The following DCDC1 variants were observed in gnomAD, a reference collection of about 807,000 sequenced individuals.
The protein encoded by DCDC1 is doublecortin domain containing 1.
In DCDC1, 200 loss-of-function variants were observed where a neutral mutation model predicts 178.3. The observed-to-expected ratio is 1.12, with a 90% CI of 1.00 to 1.26. The LOEUF (loss-of-function observed/expected upper bound fraction) is 1.26, where lower values mean the gene tolerates loss of function less well. Among genes scored for constraint, DCDC1 ranks in the 50% most tolerant of loss-of-function variants. The pLI is 0.00. For synonymous variants in DCDC1, 690 were observed against 604.8 expected (o/e 1.14, Z -2.07); for missense variants, 1,983 against 1,749.2 (o/e 1.13, Z -2.38).
intron 36 of DCDC1, chr11:30,882,533 A>T (rs1459390393): frequency 1.3e-5 from 2 of 152,016 alleles, no homozygotes; most frequent in African/African-American, 4.8e-5. Context: ...ATGTTGGTTA[A>T]ATGCAGCCCT....
At chr11:31,097,083 C>T (rs1301713745) in intron 15 of DCDC1, among the ~76,000 whole-genome samples, 1 of 152,224 alleles carries the variant, frequency 6.6e-6, no homozygotes, top group East Asian at 1.9e-4. Flanking sequence ...CTTTTAAACA[C>T]TTACACATAT....
intron 9 of DCDC1, among the ~76,000 whole-genome samples, chr11:31,165,356 G>A (rs1210935900): frequency 6.6e-6 from 1 of 151,930 alleles, no homozygotes; most frequent in African/African-American, 2.4e-5. Context: ...AAAGAGACAG[G>A]GTCTTGCTCT....
chr11:31,325,959 A>C (rs576279525), intron 3 of DCDC1, among the ~76,000 whole-genome samples: 175 of 152,272 alleles, frequency 1.1e-3, no homozygotes, highest in Non-Finnish European at 2.2e-3. Flanking sequence ...TAATCATATT[A>C]ATACCAATGG....
intron 9 of DCDC1, among the ~76,000 whole-genome samples, chr11:31,151,077 CTG>C (rs1965124149): frequency 6.6e-6 from 1 of 152,180 alleles, no homozygotes; most frequent in Non-Finnish European, 1.5e-5. Flanking sequence ...GGCAGATACA[CTG>C]TATCATTCAG....
intron 8 of DCDC1, among the ~76,000 whole-genome samples, chr11:31,263,606 C>A (rs1944943863): frequency 6.6e-6 from 1 of 152,140 alleles, no homozygotes. Context: ...TCTGAATACA[C>A]ACATATGTAA....
chr11:30,998,245 T>C lies in DCDC1; in HGVS notation c.2592-45677A>G, dbSNP rs149269148. Reference sequence around the variant, plus strand: ...AATTCAAAGCTGCAGTGAGCCATGATTGTGCCACTGCACTCCAGCCTGGGC... The same window carrying C: ...AATTCAAAGCTGCAGTGAGCCATGACTGTGCCACTGCACTCCAGCCTGGGC... On this transcript the variant is annotated intron_variant, in intron 20 of 38. Coordinates refer to ENST00000684477, the MANE Select transcript of DCDC1 (RefSeq NM_001387274.1). Among the ~76,000 whole-genome samples the C allele has an allele frequency of 8.7e-3, 1,317 of 152,226 alleles. 22 individuals carry two copies. Among genetic ancestry groups the C allele is most frequent in the African/African-American group, 0.03 (1,257 of 41,524 alleles).
chr11:31,301,261 T>C (rs1289374905), intron 6 of DCDC1, among the ~76,000 whole-genome samples: 1 of 152,090 alleles, frequency 6.6e-6, no homozygotes, highest in East Asian at 1.9e-4. Flanking sequence ...TCTAACCTAA[T>C]AAATACACTA....
intron 20 of DCDC1, among the ~76,000 whole-genome samples, chr11:31,020,227 A>G (rs1022515151): frequency 6.6e-6 from 1 of 152,242 alleles, no homozygotes; most frequent in Non-Finnish European, 1.5e-5. Context: ...CCATCAATAA[A>G]TAAAACAGCT....
chr11:31,213,124 T>TC (rs1565442233), intron 9 of DCDC1, among the ~76,000 whole-genome samples: 3 of 130,920 alleles, frequency 2.3e-5, no homozygotes, highest in Non-Finnish European at 4.9e-5. Context: ...TCTCTCTCTC[T>TC]CTCTCTCTCT....
intron 21 of DCDC1, among the ~76,000 whole-genome samples, chr11:30,941,927 T>A (rs1565103411): frequency 6.6e-6 from 1 of 152,216 alleles, no homozygotes; most frequent in African/African-American, 2.4e-5. Flanking sequence ...TTTTCCTTTA[T>A]ATTTTTACTA....
intron 9 of DCDC1, among the ~76,000 whole-genome samples, chr11:31,228,646 A>G (rs1033471694): frequency 2.0e-5 from 3 of 152,078 alleles, no homozygotes; most frequent in Non-Finnish European, 4.4e-5. Flanking sequence ...AATAAAATTA[A>G]TCAACTCAGC....
At chr11:30,993,877 A>G (rs1289929706) in intron 20 of DCDC1, among the ~76,000 whole-genome samples, 1 of 152,154 alleles carries the variant, frequency 6.6e-6, no homozygotes, top group Non-Finnish European at 1.5e-5. Context: ...AACAGTTAAT[A>G]AAGAATAATA....
intron 8 of DCDC1, chr11:31,262,805 G>C (rs1251208406): frequency 2.7e-6 from 1 of 366,972 alleles, no homozygotes. Flanking sequence ...CTAATGTTAA[G>C]TGACTAGGGT....
chr11:30,868,005 T>C (rs1257115103), intron 38 of DCDC1, among the ~76,000 whole-genome samples: 1 of 152,100 alleles, frequency 6.6e-6, no homozygotes, highest in Non-Finnish European at 1.5e-5. Context: ...TTCTAATTAG[T>C]GTCCTGAATA....
At chr11:31,319,611 T>A (rs1949256358) in intron 3 of DCDC1, among the ~76,000 whole-genome samples, 2 of 44,100 alleles carry the variant, frequency 4.5e-5, no homozygotes, top group South Asian at 7.9e-4. Flanking sequence ...TTTATCCAAC[T>A]TGCCAGTCTG....
chr11:31,364,393 T>C (rs1309030795), intron 1 of DCDC1, among the ~76,000 whole-genome samples: 1 of 151,934 alleles, frequency 6.6e-6, no homozygotes. Context: ...AAAAAACAAG[T>C]TGGTATTTGT....
intron 9 of DCDC1, among the ~76,000 whole-genome samples, chr11:31,165,821 G>T (rs1288823017): frequency 6.6e-6 from 1 of 151,970 alleles, no homozygotes; most frequent in Non-Finnish European, 1.5e-5. Context: ...AAATAATTTG[G>T]GTTCTGCATG....
intron 9 of DCDC1, among the ~76,000 whole-genome samples, chr11:31,185,935 A>G (rs149164629): frequency 6.6e-6 from 1 of 152,326 alleles, no homozygotes; most frequent in Non-Finnish European, 1.5e-5. Context: ...AAGCCAAAAT[A>G]CAACTATGAA....
chr11:31,210,863 G>A (rs939092413), intron 9 of DCDC1, among the ~76,000 whole-genome samples: 1 of 152,084 alleles, frequency 6.6e-6, no homozygotes, highest in Non-Finnish European at 1.5e-5. Flanking sequence ...GAAGCACAAA[G>A]AGGATATCTT....
Sources: allele counts gnomAD v4.1 joint callset (sites outside exome capture counted in the v4.1 genomes callset), GRCh38; gene constraint gnomAD v4.1.1; transcripts MANE v1.5; gene names NCBI Gene and HGNC (gene_info 2026-07-23, HGNC 2026-07-21).